CHST8: variants seen among roughly 807,000 people sequenced by gnomAD.
CHST8 encodes carbohydrate sulfotransferase 8.
In CHST8, 10 loss-of-function variants were observed where a neutral mutation model predicts 15.0. The observed-to-expected ratio is 0.67, with a 90% CI of 0.41 to 1.13. The LOEUF is 1.13. Ranked by LOEUF, CHST8 falls within the 50% of genes most tolerant of loss-of-function variation. The probability of loss-of-function intolerance (pLI) is 0.00; values close to 1 mark genes in which losing one functional copy is unlikely to be tolerated. For synonymous variants in CHST8, 259 were observed against 256.6 expected, an observed-to-expected ratio of 1.01 and a Z score of -0.09; for missense variants, 634 against 608.2, an observed-to-expected ratio of 1.04 and a Z score of -0.45.
chr19:33,680,159 T>C (rs1462893895), intron 2 of CHST8, among the ~76,000 whole-genome samples: 1 of 152,244 alleles, frequency 6.6e-6, no homozygotes, highest in Non-Finnish European at 1.5e-5. Context: ...ACCAAACCTG[T>C]GGCAAATAGG....
At chr19:33,718,087 C>T (rs77700249) in intron 3 of CHST8, among the ~76,000 whole-genome samples, 2 of 152,172 alleles carry the variant, frequency 1.3e-5, no homozygotes, top group South Asian at 2.1e-4. Context: ...CCTCTGAAAG[C>T]AGTGCTCCCT....
intron 3 of CHST8, among the ~76,000 whole-genome samples, chr19:33,725,716 G>T (rs1475817551): frequency 6.6e-6 from 1 of 152,242 alleles, no homozygotes; most frequent in Non-Finnish European, 1.5e-5. Context: ...AGGGTTAGGG[G>T]CTGCCAGGGT....
chr19:33,724,038 G>A (rs1973847874), intron 3 of CHST8, among the ~76,000 whole-genome samples: 1 of 152,154 alleles, frequency 6.6e-6, no homozygotes, highest in Non-Finnish European at 1.5e-5. Context: ...CTTTCCTCCT[G>A]GGGTGAGGTC....
At chr19:33,759,878 T>A (rs1974681564) in intron 3 of CHST8, among the ~76,000 whole-genome samples, 1 of 152,192 alleles carries the variant, frequency 6.6e-6, no homozygotes, top group Non-Finnish European at 1.5e-5. Context: ...ATCAGTAGTT[T>A]GAAATCTGCC....
At chr19:33,643,660 T>C (rs1055237845) in intron 1 of CHST8, among the ~76,000 whole-genome samples, 5 of 152,260 alleles carry the variant, frequency 3.3e-5, no homozygotes, top group African/African-American at 1.2e-4. Flanking sequence ...TATACTCTTC[T>C]GTTCTAGCCT....
intron 3 of CHST8, among the ~76,000 whole-genome samples, chr19:33,697,149 C>T (rs1973234382): frequency 6.6e-6 from 1 of 151,630 alleles, no homozygotes; most frequent in African/African-American, 2.4e-5. Flanking sequence ...AGCCTGTGAG[C>T]CTTTTGAGAA....
At chr19:33,742,626 G>C (rs1027297588) in intron 3 of CHST8, among the ~76,000 whole-genome samples, 8 of 152,162 alleles carry the variant, frequency 5.3e-5, no homozygotes, top group Non-Finnish European at 1.0e-4. Flanking sequence ...ATTTGGAGGA[G>C]ACAAAACATC....
chr19:33,641,595 A>G (rs1429566910), intron 1 of CHST8, among the ~76,000 whole-genome samples: 1 of 152,172 alleles, frequency 6.6e-6, no homozygotes, highest in African/African-American at 2.4e-5. Flanking sequence ...TGAAGATGGA[A>G]GGGAAGAAGG....
intron 2 of CHST8, 137 bp from the exon 3 acceptor site, chr19:33,689,039 T>C: frequency 2.4e-6 from 1 of 410,010 alleles, no homozygotes; most frequent in Middle Eastern, 6.4e-4. Context: ...TGTGAAAGGA[T>C]GGAAAGGGCA....
At chr19:33,647,811 A>G (rs1972373196) in intron 1 of CHST8, among the ~76,000 whole-genome samples, 1 of 152,134 alleles carries the variant, frequency 6.6e-6, no homozygotes, top group African/African-American at 2.4e-5. Context: ...ATGCCACTGC[A>G]TTCCAGCCTG....
intron 1 of CHST8, among the ~76,000 whole-genome samples, chr19:33,626,234 C>G (rs1972051928): frequency 6.6e-6 from 1 of 151,994 alleles, no homozygotes; most frequent in African/African-American, 2.4e-5. Context: ...GTGACTTTTA[C>G]CCTGTACAAA....
Position 33,772,694 on chromosome 19 carries a change from C to A in CHST8, c.906C>A (p.Thr302=), listed in dbSNP as rs761460884. ...ATGCCTCTCGGGAGGCCCTGCGGAC[C>A]GGCTCTGGGGTGCGTTTTCCCGAGT... is the stretch of plus-strand genomic sequence containing the variant. ...RANASREALR[T]GSGVRFPEFV... The change falls in exon 5 of 5, where the codon ACC becomes ACA. Residue 302 remains threonine, a synonymous_variant. Transcript: ENST00000650847. The A allele has an allele frequency of 1.2e-6, 2 of 1,613,440 alleles. No individual in the cohort carries two copies. The highest frequency in any genetic ancestry group is 1.7e-5 in the Admixed American group (1 of 60,002).
At chr19:33,622,665 G>A (rs984054689) in intron 1 of CHST8, among the ~76,000 whole-genome samples, 5 of 152,152 alleles carry the variant, frequency 3.3e-5, no homozygotes, top group Non-Finnish European at 7.4e-5. Context: ...AGCAGCGAGC[G>A]CCGAGGGCCA....
chr19:33,675,275 G>A (rs1338956560), intron 2 of CHST8, among the ~76,000 whole-genome samples: 2 of 152,216 alleles, frequency 1.3e-5, no homozygotes, highest in African/African-American at 4.8e-5. Context: ...ATTGGCTCAG[G>A]ATCCAGGGGC....
At chr19:33,720,728 G>A (rs908092222) in intron 3 of CHST8, among the ~76,000 whole-genome samples, 4 of 152,268 alleles carry the variant, frequency 2.6e-5, no homozygotes, top group African/African-American at 9.6e-5. Flanking sequence ...GAGCTGGGCA[G>A]GCAGTGGTAT....
chr19:33,697,543 T>G (rs777747446), intron 3 of CHST8, among the ~76,000 whole-genome samples: 4 of 152,164 alleles, frequency 2.6e-5, no homozygotes, highest in Non-Finnish European at 4.4e-5. Flanking sequence ...ATGTAATACT[T>G]TAAAACCCCT....
chr19:33,754,488 C>G (rs1292365778), intron 3 of CHST8, among the ~76,000 whole-genome samples: 1 of 152,190 alleles, frequency 6.6e-6, no homozygotes, highest in Non-Finnish European at 1.5e-5. Context: ...AACCCTATGC[C>G]TGCTCTCATC....
rs146008133 is a variant in CHST8, at chr19:33,637,593, G to A, written c.-164+15297G>A. 3.3e-5 allele frequency among the ~76,000 whole-genome samples: 5 copies of A among 150,704 alleles called. No individual in the cohort carries two copies. In the East Asian group the frequency reaches 8.1e-4, roughly 24 times the overall value. The stretch of plus-strand genomic sequence containing the variant: ...AATTTTTGGTATTTTTAGTAGAGAC[G>A]ATGTTTCACCCTGTTAGCCAGGATG... On this transcript the variant is annotated intron_variant, in intron 1 of 4. Transcript: ENST00000650847.
At chr19:33,732,348 G>C (rs1974011846) in intron 3 of CHST8, among the ~76,000 whole-genome samples, 1 of 152,038 alleles carries the variant, frequency 6.6e-6, no homozygotes, top group South Asian at 2.1e-4. Context: ...TGACCACCTG[G>C]AGTTAGCACC....
Sources: allele counts gnomAD v4.1 joint callset (sites outside exome capture counted in the v4.1 genomes callset), GRCh38; gene constraint gnomAD v4.1.1; transcripts MANE v1.5; gene names NCBI Gene and HGNC (gene_info 2026-07-23, HGNC 2026-07-21).